Variants in TULP4 observed in about 807,000 individuals in gnomAD.
TULP4 encodes the protein tubby-related protein 4.
In TULP4, 16 loss-of-function variants were observed where a neutral mutation model predicts 129.0. That is an observed-to-expected ratio of 0.12 (90% CI 0.08 to 0.19). The LOEUF is 0.19. Ranked by LOEUF, TULP4 falls within the 10% of genes least tolerant of loss-of-function variation. The probability of loss-of-function intolerance (pLI) is 1.00; values close to 1 mark genes in which losing one functional copy is unlikely to be tolerated. For missense variants in TULP4, 1,842 were observed against 2,059.1 expected, an observed-to-expected ratio of 0.89 and a Z score of 2.04; for synonymous variants, 998 against 854.0, an observed-to-expected ratio of 1.17 and a Z score of -2.94.
intron 1 of TULP4, among the ~76,000 whole-genome samples, chr6:158,367,141 T>C (rs1048871528): frequency 1.3e-5 from 2 of 152,224 alleles, no homozygotes; most frequent in Non-Finnish European, 2.9e-5. Flanking sequence ...TGTCACCTCT[T>C]TTCTTTCTCA....
At chr6:158,426,010 G>A (rs1778481915) in intron 2 of TULP4, among the ~76,000 whole-genome samples, 1 of 152,072 alleles carries the variant, frequency 6.6e-6, no homozygotes, top group Admixed American at 6.6e-5. Flanking sequence ...TATGCTTGTT[G>A]GCTGCATGTA....
At chr6:158,369,776 G>T (rs531456131) in intron 1 of TULP4, among the ~76,000 whole-genome samples, 3 of 152,248 alleles carry the variant, frequency 2.0e-5, no homozygotes, top group South Asian at 4.1e-4. Flanking sequence ...GGTAATAGTG[G>T]TTGCCTCTGG....
chr6:158,463,063 T>A (rs955067569), intron 6 of TULP4, among the ~76,000 whole-genome samples: 4 of 152,284 alleles, frequency 2.6e-5, no homozygotes, highest in African/African-American at 9.6e-5. Context: ...CTACCTACCC[T>A]GTGTCTTTAC....
In TULP4 at chr6:158,509,000, G is replaced by A. The variant is rs1282100466; in HGVS notation, c.*2306G>A. Reference sequence around the variant, plus strand: ...ACTCCAGGGTTCAGGTGATTATTTTGCCTCAGCCTCCCAAGCAGCTGGGAT... The same window carrying A: ...ACTCCAGGGTTCAGGTGATTATTTTACCTCAGCCTCCCAAGCAGCTGGGAT... On this transcript the variant is annotated 3_prime_UTR_variant, in exon 14 of 14. Coordinates refer to ENST00000367097, the MANE Select transcript of TULP4 (RefSeq NM_020245.5). 1 of 134,878 alleles carries A rather than the reference G, an allele frequency of 7.4e-6. No homozygotes were observed. Among genetic ancestry groups the A allele is most frequent in the Non-Finnish European group, 1.5e-5 (1 of 65,252 alleles). 8.4% of individuals were successfully genotyped at this position (134,878 alleles called of 1,614,324 possible). A position where few individuals can be genotyped will look rare whatever the true frequency, so the allele number is the denominator to read the frequency against.
Position 158,502,069 on chromosome 6 carries a change from C to G in TULP4, c.2406C>G (p.Ala802=), listed in dbSNP as rs1374229714. The part of the protein sequence containing the change: ...DRDHEHLQKS[A]KALRPTPQLA... ...ACCACGAACACCTGCAGAAGTCAGC[C>G]AAGGCCCTGCGGCCAACACCGCAGC... The change falls in exon 13 of 14, where the codon GCC becomes GCG. Residue 802 remains alanine (A), a synonymous_variant. Transcript: ENST00000367097. 1 of 1,613,008 alleles carries G rather than the reference C, an allele frequency of 6.2e-7. No individual in the cohort carries two copies. Among genetic ancestry groups the G allele is most frequent in the Non-Finnish European group, 8.5e-7 (1 of 1,179,506 alleles).
At chr6:158,442,737 C>T (rs977056373) in intron 3 of TULP4, among the ~76,000 whole-genome samples, 27 of 151,986 alleles carry the variant, frequency 1.8e-4, no homozygotes, top group Non-Finnish European at 3.2e-4. Flanking sequence ...GCCCCTCCTT[C>T]TATCCCCAAG....
chr6:158,392,607 C>T (rs1389707709), intron 1 of TULP4, among the ~76,000 whole-genome samples: 1 of 151,830 alleles, frequency 6.6e-6, no homozygotes, highest in South Asian at 2.1e-4. Context: ...TATCTGCTCA[C>T]ATCTCAGGGG....
At chr6:158,298,228 A>G (rs1779070286) in intron 1 of TULP4, among the ~76,000 whole-genome samples, 1 of 152,134 alleles carries the variant, frequency 6.6e-6, no homozygotes, top group African/African-American at 2.4e-5. Context: ...TTGTTCAAAC[A>G]CACATGTTTT....
chr6:158,309,762 G>T (rs77167922), upstream of TULP4, among the ~76,000 whole-genome samples: 115 of 151,868 alleles, frequency 7.6e-4, no homozygotes, highest in African/African-American at 2.6e-3. Flanking sequence ...GTGGCGGCGC[G>T]CCTGCAATCG....
chr6:158,319,858 A>G (rs1205811447), intron 1 of TULP4, among the ~76,000 whole-genome samples: 1 of 152,226 alleles, frequency 6.6e-6, no homozygotes, highest in Non-Finnish European at 1.5e-5. Flanking sequence ...TTAAACATAT[A>G]GTAGAGGAAT....
intron 8 of TULP4, among the ~76,000 whole-genome samples, chr6:158,489,325 C>T (rs1780142949): frequency 6.6e-6 from 1 of 152,226 alleles, no homozygotes; most frequent in Admixed American, 6.5e-5. Flanking sequence ...TTGTTTTCAG[C>T]TTTTGGCAAA....
chr6:158,348,552 A>G (rs1295832572), intron 1 of TULP4, among the ~76,000 whole-genome samples: 4 of 152,150 alleles, frequency 2.6e-5, no homozygotes, highest in Non-Finnish European at 4.4e-5. Context: ...ACAGAACAAA[A>G]TGGAGTCTCC....
chr6:158,279,177 C>T (rs1003800731), upstream of TULP4, among the ~76,000 whole-genome samples: 3 of 151,978 alleles, frequency 2.0e-5, no homozygotes, highest in Admixed American at 6.6e-5. Flanking sequence ...CTCCTGACCT[C>T]GTGATCCGCC....
chr6:158,256,080 A>G (rs1375582652), intron 1 of TULP4, among the ~76,000 whole-genome samples: 1 of 152,158 alleles, frequency 6.6e-6, no homozygotes, highest in Non-Finnish European at 1.5e-5. Flanking sequence ...GTAACTCTCT[A>G]GTTACTTAAG....
intron 1 of TULP4, among the ~76,000 whole-genome samples, chr6:158,395,022 C>T (rs950478071): frequency 6.6e-6 from 1 of 151,984 alleles, no homozygotes; most frequent in African/African-American, 2.4e-5. Context: ...CATCAGATCT[C>T]GTGAGAACTC....
chr6:158,287,467 G>A lies in TULP4; in HGVS notation n.116+5089G>A, dbSNP rs192751561. ...CATTTATTGAATACGTAATATATAC[G>A]TACATTTTGCTTGCTAGATGTCTTG... is the stretch of plus-strand genomic sequence containing the variant. On this transcript the variant is annotated intron_variant and non_coding_transcript_variant, in intron 1 of 1. Coordinates refer to the TULP4 transcript ENST00000432358. Among the ~76,000 whole-genome samples the A allele has an allele frequency of 1.6e-4, 25 of 152,192 alleles. 1 individual carries two copies. Among genetic ancestry groups the A allele is most frequent in the Admixed American group, 1.3e-3 (20 of 15,288 alleles).
upstream of TULP4, among the ~76,000 whole-genome samples, chr6:158,277,842 A>T (rs1180652724): frequency 2.6e-5 from 4 of 152,174 alleles, no homozygotes; most frequent in South Asian, 4.2e-4. Context: ...TACCAGAGAT[A>T]TCCCTTCTTT....
At chr6:158,426,353 T>C (rs1173605118) in intron 2 of TULP4, among the ~76,000 whole-genome samples, 3 of 152,236 alleles carry the variant, frequency 2.0e-5, no homozygotes, top group Non-Finnish European at 4.4e-5. Flanking sequence ...TTTTATTGTT[T>C]GGGTTTTTAC....
At chr6:158,252,222 A>G (rs188203835) in intron 1 of TULP4, among the ~76,000 whole-genome samples, 1 of 151,544 alleles carries the variant, frequency 6.6e-6, no homozygotes, top group Admixed American at 6.6e-5. Flanking sequence ...ACATATTTTG[A>G]TGTGTAAAAG....
Sources: allele counts gnomAD v4.1 joint callset (sites outside exome capture counted in the v4.1 genomes callset), GRCh38; gene constraint gnomAD v4.1.1; transcripts MANE v1.5; gene names NCBI Gene and HGNC (gene_info 2026-07-23, HGNC 2026-07-21).